SGPP2: variants seen among roughly 807,000 people sequenced by gnomAD.
SGPP2 encodes the protein sphingosine-1-phosphate phosphatase 2, also known as sphingosine 1-phosphate phosphohydrolase 2.
In SGPP2, 30 loss-of-function variants were observed where a neutral mutation model predicts 33.9. The ratio of observed to expected loss-of-function variants is 0.89; its 90% CI spans 0.66 to 1.20. SGPP2 has a LOEUF of 1.20. SGPP2 is among the 50% of genes most tolerant of loss of function. The pLI, the probability that SGPP2 is intolerant of heterozygous loss-of-function variation, is 0.00. For missense variants in SGPP2, 458 were observed against 532.1 expected (o/e 0.86, Z 1.37); for synonymous variants, 233 against 225.0 (o/e 1.04, Z -0.32).
At chr2:222,513,324 C>T (rs553747213) in intron 2 of SGPP2, among the ~76,000 whole-genome samples, 8 of 152,218 alleles carry the variant, frequency 5.3e-5, no homozygotes, top group African/African-American at 1.7e-4. Context: ...ATGATGATTC[C>T]ATTTTATTGG....
intron 2 of SGPP2, among the ~76,000 whole-genome samples, chr2:222,490,410 G>A (rs773924528): frequency 6.6e-6 from 1 of 152,100 alleles, no homozygotes; most frequent in Non-Finnish European, 1.5e-5. Flanking sequence ...AAAATTCCAA[G>A]ATTATGTACA....
At chr2:222,428,563 C>G (rs1486826019) in intron 1 of SGPP2, among the ~76,000 whole-genome samples, 3 of 152,088 alleles carry the variant, frequency 2.0e-5, no homozygotes, top group Non-Finnish European at 4.4e-5. Context: ...TAAGTTGTTT[C>G]TAGAAATCTT....
chr2:222,483,151 T>G (rs969935194), intron 2 of SGPP2, among the ~76,000 whole-genome samples: 3 of 152,234 alleles, frequency 2.0e-5, no homozygotes, highest in Non-Finnish European at 2.9e-5. Flanking sequence ...TTATTTTGTC[T>G]TGTGTTTTGA....
chr2:222,431,163 T>A (rs149322700), intron 1 of SGPP2, among the ~76,000 whole-genome samples: 2 of 145,952 alleles, frequency 1.4e-5, no homozygotes, highest in South Asian at 4.5e-4. Context: ...ATCTTTTCAA[T>A]CTTTTTATAA....
chr2:222,491,622 C>A (rs1698198579), intron 2 of SGPP2, among the ~76,000 whole-genome samples: 1 of 152,178 alleles, frequency 6.6e-6, no homozygotes. Flanking sequence ...TCAACAGGTG[C>A]AGATTATGGG....
rs1689517052 is a variant in SGPP2, at chr2:222,560,480, A to G, written c.*1582A>G. On this transcript the variant is annotated 3_prime_UTR_variant, in exon 5 of 5. Transcript: ENST00000321276. Reference sequence around the variant, plus strand: ...GCCTACTAGGGTGAGTCCTCTTAACATGGGAAGGCGATGATTATGCAAACA... The same window carrying G: ...GCCTACTAGGGTGAGTCCTCTTAACGTGGGAAGGCGATGATTATGCAAACA... 1 of 152,224 alleles carries G rather than the reference A, an allele frequency of 6.6e-6. No homozygotes were observed. The highest frequency in any genetic ancestry group is 2.4e-5 in the African/African-American group (1 of 41,462). The allele number at this position is 152,224 out of a possible 1,614,324, so 9.4% of individuals were successfully genotyped here.
intron 3 of SGPP2, among the ~76,000 whole-genome samples, chr2:222,522,873 G>T (rs1301827450): frequency 6.6e-6 from 1 of 152,132 alleles, no homozygotes; most frequent in Non-Finnish European, 1.5e-5. Flanking sequence ...TCTAGTGAAG[G>T]GGTCTTGCTG....
chr2:222,475,910 A>T (rs1349304546), intron 2 of SGPP2, among the ~76,000 whole-genome samples: 1 of 152,184 alleles, frequency 6.6e-6, no homozygotes, highest in Middle Eastern at 3.2e-3. Flanking sequence ...GCCTCCCCAG[A>T]ATCATCGTGG....
chr2:222,541,076 C>T (rs1479424785), intron 4 of SGPP2, among the ~76,000 whole-genome samples: 4 of 152,172 alleles, frequency 2.6e-5, no homozygotes, highest in Non-Finnish European at 4.4e-5. Context: ...CTCAGCCTTC[C>T]AAAGTGCTGG....
At chr2:222,479,433 C>T (rs1408118407) in intron 2 of SGPP2, among the ~76,000 whole-genome samples, 4 of 122,228 alleles carry the variant, frequency 3.3e-5, no homozygotes, top group Admixed American at 1.0e-4. Context: ...GACAGAGTAT[C>T]GCTCTGTCAC....
chr2:222,471,981 G>C (rs552857662), intron 1 of SGPP2, among the ~76,000 whole-genome samples: 288 of 152,154 alleles, frequency 1.9e-3, no homozygotes, highest in African/African-American at 6.6e-3. Flanking sequence ...AATTCCCTAA[G>C]TCTTTCTTTT....
intron 1 of SGPP2, among the ~76,000 whole-genome samples, chr2:222,449,110 G>A (rs916078946): frequency 1.3e-5 from 2 of 152,270 alleles, no homozygotes; most frequent in African/African-American, 2.4e-5. Context: ...TCTTGTTTGC[G>A]AGATGACTAC....
chr2:222,427,712 G>A (rs953369707), intron 1 of SGPP2, among the ~76,000 whole-genome samples: 1 of 152,178 alleles, frequency 6.6e-6, no homozygotes, highest in African/African-American at 2.4e-5. Flanking sequence ...CTTCATTTGA[G>A]TGACTTTAGA....
At chr2:222,546,982 C>T (rs961328734) in intron 4 of SGPP2, among the ~76,000 whole-genome samples, 2 of 152,148 alleles carry the variant, frequency 1.3e-5, no homozygotes, top group South Asian at 2.1e-4. Context: ...TCTCAGACCC[C>T]TCCCAGACCT....
rs57245749 is a variant in SGPP2, at chr2:222,549,617, A to G, written c.649-8730A>G. Among the ~76,000 whole-genome samples the G allele has an allele frequency of 3.2e-3, 250 of 77,380 alleles. 1 individual carries two copies. Among genetic ancestry groups the G allele is most frequent in the Non-Finnish European group, 7.5e-3 (198 of 26,398 alleles). The allele number at this position is 77,380 out of a possible 152,430, so 50.8% of individuals were successfully genotyped here. A position where few individuals can be genotyped will look rare whatever the true frequency, so the allele number is the denominator to read the frequency against. Reference sequence around the variant, plus strand: ...GTTTCCTGTAATGAGAATATAATAAAGCTCAAGCTTTTACCTAAATATCAA... The same window carrying G: ...GTTTCCTGTAATGAGAATATAATAAGGCTCAAGCTTTTACCTAAATATCAA... On this transcript the variant is annotated intron_variant, in intron 4 of 4. Coordinates refer to ENST00000321276, the MANE Select transcript of SGPP2 (RefSeq NM_152386.4).
chr2:222,554,456 T>C (rs1689353707), intron 4 of SGPP2, among the ~76,000 whole-genome samples: 1 of 152,240 alleles, frequency 6.6e-6, no homozygotes, highest in African/African-American at 2.4e-5. Context: ...CTTGTAAATA[T>C]GTCCTTTTAA....
chr2:222,480,787 A>G (rs1381456236), intron 2 of SGPP2, among the ~76,000 whole-genome samples: 11 of 152,210 alleles, frequency 7.2e-5, no homozygotes, highest in Admixed American at 4.6e-4. Flanking sequence ...TGCTAATTTA[A>G]CCAAAGAAAA....
intron 2 of SGPP2, among the ~76,000 whole-genome samples, chr2:222,494,146 C>G (rs1169204891): frequency 6.6e-6 from 1 of 152,162 alleles, no homozygotes; most frequent in Non-Finnish European, 1.5e-5. Flanking sequence ...GTAAAACCAG[C>G]CTCCTCTGCT....
At chr2:222,445,577 C>A (rs978822877) in intron 1 of SGPP2, among the ~76,000 whole-genome samples, 7 of 152,068 alleles carry the variant, frequency 4.6e-5, no homozygotes, top group African/African-American at 1.7e-4. Flanking sequence ...ACTGTGCTAC[C>A]CTTGGGACTA....
Sources: gnomAD v4.1 joint callset for allele counts (sites outside exome capture counted in the v4.1 genomes callset) on GRCh38, gnomAD v4.1.1 for gene constraint, MANE v1.5 for transcripts, NCBI Gene and HGNC (gene_info 2026-07-23, HGNC 2026-07-21) for gene names.